The following SCARA5 variants were observed in gnomAD, a reference collection of about 807,000 sequenced individuals.
The protein encoded by SCARA5 is scavenger receptor class A member 5, also known as scavenger receptor class A, member 5 (putative).
Under a neutral mutation model 46.3 loss-of-function variants are expected in SCARA5, and 45 were observed. The ratio of observed to expected loss-of-function variants is 0.97; its 90% CI spans 0.76 to 1.24. The LOEUF (loss-of-function observed/expected upper bound fraction) is 1.24, where lower values mean the gene tolerates loss of function less well. Among genes scored for constraint, SCARA5 ranks in the 50% most tolerant of loss-of-function variants. The pLI is 0.00. For synonymous variants in SCARA5, 333 were observed against 306.5 expected (o/e 1.09, Z -0.90); for missense variants, 680 against 689.0 (o/e 0.99, Z 0.15).
intron 7 of SCARA5, among the ~76,000 whole-genome samples, chr8:27,893,652 G>A (rs371671961): frequency 9.2e-5 from 14 of 152,132 alleles, no homozygotes; most frequent in African/African-American, 2.7e-4. Context: ...AAGGGAACCC[G>A]ACAGCATCTC....
intron 3 of SCARA5, among the ~76,000 whole-genome samples, chr8:27,930,017 C>T (rs1363545473): frequency 6.6e-6 from 1 of 152,126 alleles, no homozygotes; most frequent in African/African-American, 2.4e-5. Flanking sequence ...TTGCCAAATG[C>T]CCTACAATCC....
chr8:27,929,616 G>A (rs78772804), intron 3 of SCARA5, among the ~76,000 whole-genome samples: 1 of 152,150 alleles, frequency 6.6e-6, no homozygotes, highest in Non-Finnish European at 1.5e-5. Context: ...CAGGAAGTCA[G>A]GAGATTGCCT....
At chr8:27,890,427 C>T (rs1011297633) in intron 7 of SCARA5, among the ~76,000 whole-genome samples, 1 of 152,242 alleles carries the variant, frequency 6.6e-6, no homozygotes, top group African/African-American at 2.4e-5. Flanking sequence ...ATACTATTTT[C>T]CCTTGGAAAT....
chr8:27,906,351 T>A (rs898408606), intron 6 of SCARA5, among the ~76,000 whole-genome samples: 1 of 152,222 alleles, frequency 6.6e-6, no homozygotes, highest in Non-Finnish European at 1.5e-5. Flanking sequence ...TAGGTTCCCC[T>A]AACGTAAACA....
intron 3 of SCARA5, among the ~76,000 whole-genome samples, chr8:27,953,839 AG>A (rs1326497748): frequency 1.3e-5 from 2 of 152,332 alleles, no homozygotes; most frequent in South Asian, 2.1e-4. Context: ...CACCCAAAAA[AG>A]GTTGAAGATT....
intron 7 of SCARA5, among the ~76,000 whole-genome samples, chr8:27,891,204 T>TTG (rs1361399302): frequency 8.0e-4 from 43 of 54,010 alleles, no homozygotes; most frequent in African/African-American, 1.5e-3. Flanking sequence ...GGTTTGTTTT[T>TTG]TTTTTGTTTT....
rs184784876 is a variant in SCARA5, at chr8:27,930,749, G to A, written c.242-8504C>T. ...TGCCCAGTCTTGGGTATGTCTTTAC[G>A]TGCAGCGTGAAAATGGACTAATACA... On this transcript the variant is annotated intron_variant, in intron 3 of 8. Transcript: ENST00000354914. Among the ~76,000 whole-genome samples the A allele has an allele frequency of 1.1e-4, 16 of 152,252 alleles. No homozygotes were observed. The East Asian group carries it at 1.5e-3, about 15-fold the overall frequency.
At chr8:27,938,990 G>T (rs1365525688) in intron 3 of SCARA5, among the ~76,000 whole-genome samples, 2 of 152,166 alleles carry the variant, frequency 1.3e-5, no homozygotes, top group Non-Finnish European at 2.9e-5. Flanking sequence ...AGTGGGTCCT[G>T]CCTGATTAAC....
rs28514458 is a variant in SCARA5 at position 27,898,037 on chromosome 8, A to G, written c.1153+6741T>C. 4.5e-3 allele frequency among the ~76,000 whole-genome samples: 691 copies of G among 152,318 alleles called. 4 individuals carry two copies. Among genetic ancestry groups the G allele is most frequent in the African/African-American group, 0.016 (659 of 41,558 alleles). ...AGCTCTGGTCTCTCTCCCTCTGGCCAGGGATGCTGAAAATATCTTTTAAAG... is the reference window on the plus strand; with the variant it reads ...AGCTCTGGTCTCTCTCCCTCTGGCCGGGGATGCTGAAAATATCTTTTAAAG... On this transcript the variant is annotated intron_variant, in intron 7 of 8. Transcript: ENST00000354914.
At chr8:27,880,876 A>AAAAAAG (rs1806800436) in intron 7 of SCARA5, among the ~76,000 whole-genome samples, 1 of 150,010 alleles carries the variant, frequency 6.7e-6, no homozygotes, top group Non-Finnish European at 1.5e-5. Context: ...AAAAAAAAAA[A>AAAAAAG]GTGGGCAGGA....
chr8:27,936,820 A>G (rs1032540971), intron 3 of SCARA5, among the ~76,000 whole-genome samples: 2 of 152,114 alleles, frequency 1.3e-5, no homozygotes, highest in African/African-American at 4.8e-5. Flanking sequence ...AAACCCACCA[A>G]TGTATTTATT....
At chr8:27,972,418 C>G (rs1385959357) in intron 2 of SCARA5, among the ~76,000 whole-genome samples, 2 of 152,162 alleles carry the variant, frequency 1.3e-5, no homozygotes, top group African/African-American at 2.4e-5. Context: ...ATCTTGAACA[C>G]CACTATGCTG....
chr8:27,987,594 G>A lies in SCARA5; in HGVS notation c.22C>T (p.Leu8=), dbSNP rs773129417. 3 of 1,613,762 alleles carry A rather than the reference G, an allele frequency of 1.9e-6. No homozygotes were observed. Among genetic ancestry groups the A allele is most frequent in the Non-Finnish European group, 8.5e-7 (1 of 1,179,654 alleles). The change falls in exon 2 of 9, where the codon CTA becomes TTA. Residue 8 remains leucine (L), a synonymous_variant. Transcript: ENST00000354914. MENKAMY[L]HTVSDCDTSS... ...GTGTCACAGTCGCTGACGGTGTGTA[G>A]GTACATAGCTTTGTTCTCCATCACA...
chr8:27,870,697 G>T lies in SCARA5; in HGVS notation c.*1237C>A, dbSNP rs1806622448. 1 of 152,206 alleles carries T rather than the reference G, an allele frequency of 6.6e-6. No homozygotes were observed. Among genetic ancestry groups the T allele is most frequent in the East Asian group, 1.9e-4 (1 of 5,194 alleles). The allele number at this position is 152,206 out of a possible 1,614,324, so 9.4% of individuals were successfully genotyped here. A position where few individuals can be genotyped will look rare whatever the true frequency, so the allele number is the denominator to read the frequency against. ...AACACGATCTCCCTGTCTCTAGGAG[G>T]AGGGTGCAGATTGCAGATTTATGGA... is the stretch of plus-strand genomic sequence containing the variant. On this transcript the variant is annotated 3_prime_UTR_variant, in exon 9 of 9. Transcript: ENST00000354914.
Position 27,922,088 on chromosome 8 carries a change from C to T in SCARA5, c.399G>A (p.Gln133=). The T allele has an allele frequency of 6.2e-7, 1 of 1,601,152 alleles. No homozygotes were observed. The highest frequency in any genetic ancestry group is 8.5e-7 in the Non-Finnish European group (1 of 1,175,408). ...EQVWKVQDAL[Q]NQSDSLLALA... ...GCGCCAGCAACGAGTCTGACTGGTT[C>T]TGCAGCGCGTCCTGCACCTTCCACA... Residue 133 remains glutamine, a synonymous_variant, in exon 4 of 9, where the codon CAG becomes CAA. Transcript: ENST00000354914.
chr8:27,886,473 G>A (rs534116407), intron 7 of SCARA5, among the ~76,000 whole-genome samples: 1 of 152,320 alleles, frequency 6.6e-6, no homozygotes, highest in South Asian at 2.1e-4. Context: ...ACAGGCTGAG[G>A]TCTGACTTGC....
chr8:27,957,541 C>G (rs1313886753), intron 3 of SCARA5, among the ~76,000 whole-genome samples: 1 of 152,162 alleles, frequency 6.6e-6, no homozygotes, highest in Non-Finnish European at 1.5e-5. Context: ...ACGGTTTGTA[C>G]CCTGGCAGTC....
intron 7 of SCARA5, among the ~76,000 whole-genome samples, chr8:27,887,587 A>G (rs1287573309): frequency 1.3e-5 from 2 of 152,150 alleles, no homozygotes; most frequent in Non-Finnish European, 2.9e-5. Context: ...GCTTATTCCA[A>G]TCCCCATCCC....
At chr8:27,933,284 G>A (rs1807805801) in intron 3 of SCARA5, among the ~76,000 whole-genome samples, 1 of 152,084 alleles carries the variant, frequency 6.6e-6, no homozygotes, top group Admixed American at 6.5e-5. Context: ...CACTTTAGGA[G>A]GCTGAGGCGG....
Sources: gnomAD v4.1 joint callset for allele counts (sites outside exome capture counted in the v4.1 genomes callset) on GRCh38, gnomAD v4.1.1 for gene constraint, MANE v1.5 for transcripts, NCBI Gene and HGNC (gene_info 2026-07-23, HGNC 2026-07-21) for gene names.